Variants in SF3A3 observed in about 807,000 individuals in gnomAD.
The protein encoded by SF3A3 is SAP 61.
A neutral mutation model predicts 85.8 loss-of-function variants in SF3A3; 9 were observed. That is an observed-to-expected ratio of 0.10 (90% CI 0.06 to 0.18). The LOEUF is 0.18. Ranked by LOEUF, SF3A3 falls within the 10% of genes least tolerant of loss-of-function variation. SF3A3 has a pLI of 1.00. For synonymous variants in SF3A3, 195 were observed against 204.4 expected (o/e 0.95, Z 0.39); for missense variants, 306 against 593.3 (o/e 0.52, Z 5.03).
Position 37,984,722 on chromosome 1 carries a change from T to C in SF3A3, c.361A>G (p.Ser121Gly), listed in dbSNP as rs868176768. 1.2e-6 allele frequency: 2 copies of C among 1,613,466 alleles called. No homozygotes were observed. Among genetic ancestry groups the C allele is most frequent in the Non-Finnish European group, 8.5e-7 (1 of 1,179,322 alleles). ...CCCTACTTACTTTGTGCCTCTTCAC[T>C]TGGATTCTCTCGAGCCTTCAGGAGT... ...EELLKARENP[S>G]EEAQNLVEFT... The change falls in exon 5 of 17, where the codon AGT becomes GGT. Residue 121 changes from serine (S) to glycine (G), a missense_variant. By Grantham distance (56) the Ser-to-Gly change is moderately conservative. Transcript: ENST00000373019.
intron 11 of SF3A3, among the ~76,000 whole-genome samples, chr1:37,977,334 A>G (rs1467306122): frequency 1.3e-5 from 2 of 152,196 alleles, no homozygotes; most frequent in East Asian, 3.8e-4. Context: ...AACTTTTCTG[A>G]GTCCTTATCT....
intron 15 of SF3A3, among the ~76,000 whole-genome samples, chr1:37,961,469 A>G (rs1271505469): frequency 6.6e-6 from 1 of 151,220 alleles, no homozygotes; most frequent in Non-Finnish European, 1.5e-5. Flanking sequence ...CTGTAATCCC[A>G]GCTACTCAGG....
intron 15 of SF3A3, among the ~76,000 whole-genome samples, chr1:37,960,868 T>C (rs1269069067): frequency 2.0e-5 from 3 of 152,062 alleles, no homozygotes; most frequent in Admixed American, 1.3e-4. Context: ...TTAGCCAGGA[T>C]GGTCTCCATC....
chr1:37,966,066 G>A (rs1416115294), intron 15 of SF3A3, among the ~76,000 whole-genome samples: 1 of 152,010 alleles, frequency 6.6e-6, no homozygotes, highest in Admixed American at 6.6e-5. Flanking sequence ...AGCCAGGCGT[G>A]GTGGCGAGCG....
intron 4 of SF3A3, 131 bp from the exon 5 acceptor site, chr1:37,984,910 C>A: frequency 2.9e-6 from 2 of 696,892 alleles, no homozygotes; most frequent in Non-Finnish European, 5.0e-6. Flanking sequence ...CGGGTTCAAG[C>A]GATTGTCCTG....
intron 14 of SF3A3, among the ~76,000 whole-genome samples, chr1:37,968,645 T>C (rs1359380366): frequency 6.6e-6 from 1 of 152,202 alleles, no homozygotes; most frequent in African/African-American, 2.4e-5. Context: ...GCATGGGCTT[T>C]ATCCTGGATG....
Position 37,972,623 on chromosome 1 carries a change from T to A in SF3A3, c.1006-2888A>T, listed in dbSNP as rs1009587638. 3.3e-5 allele frequency among the ~76,000 whole-genome samples: 5 copies of A among 152,308 alleles called. No individual in the cohort carries two copies. The East Asian group carries it at 9.6e-4, about 29-fold the overall frequency. ...CATCACGCTATCTGACTTCAAACTATACTACAAGGCTACAGTAACCAAAAC... is the reference window on the plus strand; with the variant it reads ...CATCACGCTATCTGACTTCAAACTAAACTACAAGGCTACAGTAACCAAAAC... On this transcript the variant is annotated intron_variant, in intron 12 of 16. Transcript: ENST00000373019.
At chr1:37,978,943 A>C (rs778802162) in intron 10 of SF3A3, 45 bp downstream of exon 10, 1 of 1,563,234 alleles carries the variant, frequency 6.4e-7, no homozygotes, top group South Asian at 1.1e-5. Flanking sequence ...AGACTGTGCA[A>C]ACACACAGTA....
chr1:37,976,987 A>T (rs1200995755), intron 11 of SF3A3, 34 bp from the exon 12 acceptor site: 16 of 1,470,536 alleles, frequency 1.1e-5, no homozygotes, highest in Non-Finnish European at 1.5e-5. Flanking sequence ...TCACTCAAGG[A>T]TTCTCTCATC....
intron 15 of SF3A3, among the ~76,000 whole-genome samples, chr1:37,961,326 T>C (rs929856255): frequency 6.6e-6 from 1 of 152,150 alleles, no homozygotes; most frequent in African/African-American, 2.4e-5. Flanking sequence ...GGCTCATGCC[T>C]GTAATCCCAG....
At chr1:37,975,070 A>C (rs1646370443) in intron 12 of SF3A3, among the ~76,000 whole-genome samples, 1 of 152,222 alleles carries the variant, frequency 6.6e-6, no homozygotes, top group Non-Finnish European at 1.5e-5. Flanking sequence ...GTATCAAAAA[A>C]ATTTGCATAA....
intron 12 of SF3A3, among the ~76,000 whole-genome samples, chr1:37,974,452 G>A (rs7527103): frequency 0.28 from 42,641 of 151,636 alleles, 6,051 homozygotes; most frequent in Middle Eastern, 0.4. Context: ...ACAGATGCCC[G>A]CCACTATGCC....
rs763126076 is a variant in SF3A3 at position 37,989,881 on chromosome 1, T to G, written c.85A>C (p.Lys29Gln). The G allele has an allele frequency of 1.2e-6, 2 of 1,611,938 alleles. No individual in the cohort carries two copies. Among genetic ancestry groups the G allele is most frequent in the African/African-American group, 2.7e-5 (2 of 74,886 alleles). ...CAGGCCCCACTCACCGTGGACTTCT[T>G]GGTGAGCATCTCTTTAGCCATGACG... ...MDVMAKEMLT[K>Q]KSTLRDQINS... Residue 29 changes from lysine to glutamine, a missense_variant, in exon 1 of 17, where the codon AAG becomes CAG. Physicochemically the swap from Lys to Gln is moderately conservative, Grantham distance 53. This residue lies in a region of SF3A3 where 152 missense variants were observed against 192.0 expected (regional missense o/e 0.79). Coordinates refer to ENST00000373019, the MANE Select transcript of SF3A3 (RefSeq NM_006802.4).
chr1:37,985,718 A>C (rs1026104739), intron 4 of SF3A3, among the ~76,000 whole-genome samples: 2 of 152,132 alleles, frequency 1.3e-5, no homozygotes, highest in African/African-American at 4.8e-5. Flanking sequence ...ACACATCAGA[A>C]TGGTATTCAT....
rs1377822966 is a variant in SF3A3, at chr1:37,969,529, C to T, written c.1170+42G>A. 1.9e-6 allele frequency: 3 copies of T among 1,613,938 alleles called. No homozygotes were observed. In the Middle Eastern group the frequency reaches 5.0e-4, roughly 267 times the overall value. ...GCCTACTAAACTCTGTATCTGTTTC[C>T]AAAATGGGGAATGGGGAGAAAGTGG... is the stretch of plus-strand genomic sequence containing the variant. On this transcript the variant is annotated intron_variant, in intron 13 of 16. Coordinates refer to ENST00000373019, the MANE Select transcript of SF3A3 (RefSeq NM_006802.4).
intron 1 of SF3A3, 36 bp from the exon 2 acceptor site, chr1:37,989,631 T>G (rs1163589745): frequency 1.2e-6 from 2 of 1,611,150 alleles, no homozygotes; most frequent in South Asian, 1.1e-5. Flanking sequence ...CGCCGTTAGT[T>G]TGCGTTCTGG....
chr1:37,974,753 G>A (rs1321235563), intron 12 of SF3A3, among the ~76,000 whole-genome samples: 1 of 152,140 alleles, frequency 6.6e-6, no homozygotes, highest in Non-Finnish European at 1.5e-5. Context: ...CTGCTTATAA[G>A]GCAAAGTCCA....
intron 12 of SF3A3, among the ~76,000 whole-genome samples, chr1:37,974,465 G>A (rs1479575168): frequency 6.6e-6 from 1 of 151,962 alleles, no homozygotes; most frequent in Non-Finnish European, 1.5e-5. Flanking sequence ...ACTATGCCTG[G>A]CTAATTTTTT....
intron 14 of SF3A3, among the ~76,000 whole-genome samples, chr1:37,969,047 AG>A (rs1646321197): frequency 6.6e-6 from 1 of 152,228 alleles, no homozygotes; most frequent in East Asian, 1.9e-4. Context: ...GAAATAACCA[AG>A]AAGTCAGAAA....
Sources: allele counts gnomAD v4.1 joint callset (sites outside exome capture counted in the v4.1 genomes callset), GRCh38; gene constraint gnomAD v4.1.1; regional missense constraint gnomAD v4.1.1; transcripts MANE v1.5; gene names NCBI Gene and HGNC (gene_info 2026-07-23, HGNC 2026-07-21).